PPP3CC: variants seen among roughly 807,000 people sequenced by gnomAD.
The protein encoded by PPP3CC is protein phosphatase 3 catalytic subunit gamma, also known as serine/threonine-protein phosphatase 2B catalytic subunit gamma isoform.
In PPP3CC, 35 loss-of-function variants were observed where a neutral mutation model predicts 60.3. The ratio of observed to expected loss-of-function variants is 0.58; its 90% confidence interval spans 0.44 to 0.77. The LOEUF is 0.77. Ranked by LOEUF, PPP3CC falls within the 30% of genes least tolerant of loss-of-function variation. The probability of loss-of-function intolerance (pLI) is 0.00; values close to 1 mark genes in which losing one functional copy is unlikely to be tolerated. For missense variants in PPP3CC, 570 were observed against 628.9 expected, an observed-to-expected ratio of 0.91 and a Z score of 1.00; for synonymous variants, 206 against 224.3, an observed-to-expected ratio of 0.92 and a Z score of 0.73.
chr8:22,511,329 A>T (rs1306958465), intron 5 of PPP3CC, 98 bp downstream of exon 5: 1 of 1,321,550 alleles, frequency 7.6e-7, no homozygotes, highest in Admixed American at 2.2e-5. Flanking sequence ...TCTCTCTTTC[A>T]CCCGGGCTGA....
At chr8:22,502,021 T>C (rs1838776362) in intron 4 of PPP3CC, among the ~76,000 whole-genome samples, 2 of 152,134 alleles carry the variant, frequency 1.3e-5, no homozygotes, top group South Asian at 4.1e-4. Flanking sequence ...AGTGAGACCC[T>C]GTCCCTAAAA....
Position 22,540,871 on chromosome 8 carries a change from A to G in PPP3CC, c.*69A>G, listed in dbSNP as rs866092562. On this transcript the variant is annotated 3_prime_UTR_variant, in exon 14 of 14. Coordinates refer to ENST00000240139, the MANE Select transcript of PPP3CC (RefSeq NM_005605.5). ...CAAATTCTATTTATTTATTATTGGA[A>G]AATGAAAAGCAACTCAAAACAACTT... The G allele has an allele frequency of 7.3e-7, 1 of 1,364,736 alleles. No homozygotes were observed. Among genetic ancestry groups the G allele is most frequent in the African/African-American group, 1.5e-5 (1 of 67,784 alleles). 84.5% of individuals were successfully genotyped at this position (1,364,736 alleles called of 1,614,324 possible).
intron 1 of PPP3CC, among the ~76,000 whole-genome samples, chr8:22,448,578 C>A (rs10108972): frequency 0.17 from 26,507 of 151,752 alleles, 4,307 homozygotes; most frequent in African/African-American, 0.43. Context: ...GAGGTTTCTC[C>A]GTATTGGTCA....
intron 1 of PPP3CC, among the ~76,000 whole-genome samples, chr8:22,450,637 A>T (rs4871998): frequency 0.54 from 81,275 of 151,902 alleles, 22,623 homozygotes; most frequent in African/African-American, 0.68. Flanking sequence ...ATCTGTGAAC[A>T]ATATCAAGGG....
intron 3 of PPP3CC, among the ~76,000 whole-genome samples, chr8:22,496,515 T>TTTTTTTTTTTTTTTA (rs1838591031): frequency 8.1e-6 from 1 of 123,094 alleles, no homozygotes; most frequent in Admixed American, 8.0e-5. Flanking sequence ...TTTTTTTTTT[T>TTTTTTTTTTTTTTTA]GAGACAGAGT....
In PPP3CC at chr8:22,521,958, C is replaced by T. The variant is rs1174491226; in HGVS notation, c.771-533C>T. ...CAGCCTGGGCGACAGAGCAAGACTCCGTCTCAAAAAAAAAAACAAACCTAT... is the reference window on the plus strand; with the variant it reads ...CAGCCTGGGCGACAGAGCAAGACTCTGTCTCAAAAAAAAAAACAAACCTAT... On this transcript the variant is annotated intron_variant, in intron 6 of 13. Coordinates refer to ENST00000240139, the MANE Select transcript of PPP3CC (RefSeq NM_005605.5). Among the ~76,000 whole-genome samples, 5 of 122,902 alleles carry T rather than the reference C, an allele frequency of 4.1e-5. 1 individual carries two copies. Among genetic ancestry groups the T allele is most frequent in the East Asian group, 5.0e-4 (2 of 3,966 alleles). The allele number at this position is 122,902 out of a possible 152,430, so 80.6% of individuals were successfully genotyped here. A position where few individuals can be genotyped will look rare whatever the true frequency, so the allele number is the denominator to read the frequency against.
intron 3 of PPP3CC, among the ~76,000 whole-genome samples, chr8:22,481,670 TCTC>T (rs1345374473): frequency 6.6e-6 from 1 of 151,984 alleles, no homozygotes; most frequent in Non-Finnish European, 1.5e-5. Flanking sequence ...ATTAGGTACT[TCTC>T]CTAATGCTAT....
chr8:22,463,275 A>G (rs919039093), intron 1 of PPP3CC, among the ~76,000 whole-genome samples: 1 of 152,190 alleles, frequency 6.6e-6, no homozygotes. Context: ...CTGGACCATA[A>G]CAGTTCTGGA....
Position 22,474,968 on chromosome 8 carries a change from C to T in PPP3CC, c.64C>T (p.Pro22Ser). The T allele has an allele frequency of 6.3e-7, 1 of 1,587,192 alleles. No homozygotes were observed. Among genetic ancestry groups the T allele is most frequent in the Non-Finnish European group, 8.6e-7 (1 of 1,164,578 alleles). ...TTTTTTTGTAGCTGTCCCCTTTCCT[C>T]CAACCCAACGGCTTACTTTCAAGGA... The part of the protein sequence containing the change: ...DRVIKAVPFP[P>S]TQRLTFKEVF... Residue 22 changes from proline (P) to serine (S), a missense_variant, in exon 2 of 14, where the codon CCA (proline) becomes TCA (serine). Physicochemically the swap from Pro to Ser is moderately conservative, Grantham distance 74. Transcript: ENST00000240139.
At chr8:22,452,019 G>GTTTTTT (rs397823337) in intron 1 of PPP3CC, among the ~76,000 whole-genome samples, 18 of 143,574 alleles carry the variant, frequency 1.3e-4, no homozygotes, top group Admixed American at 8.4e-4. Context: ...GTGCATAATG[G>GTTTTTT]TTTTTTTTTT....
intron 6 of PPP3CC, among the ~76,000 whole-genome samples, chr8:22,517,589 C>A (rs997493722): frequency 1.3e-5 from 2 of 152,060 alleles, no homozygotes; most frequent in African/African-American, 2.4e-5. Flanking sequence ...TCAGTTTTGG[C>A]AGGTTGTATA....
chr8:22,450,798 T>TA (rs1563671040), intron 1 of PPP3CC, among the ~76,000 whole-genome samples: 18 of 141,350 alleles, frequency 1.3e-4, no homozygotes, highest in Non-Finnish European at 2.5e-4. Flanking sequence ...ACCTACTTTA[T>TA]TTTTATTTAT....
At position 22,480,286 on chromosome 8, in the gene PPP3CC, A is replaced by G. The variant is rs548555152; in HGVS notation, c.372+4662A>G. ...GTTATACAATTTTTATGAGTTATAC[A>G]ATTTTTGAAACATTTATGTTAACAA... On this transcript the variant is annotated intron_variant, in intron 3 of 13. Coordinates refer to ENST00000240139, the MANE Select transcript of PPP3CC (RefSeq NM_005605.5). Among the ~76,000 whole-genome samples, 11 of 152,304 alleles carry G rather than the reference A, an allele frequency of 7.2e-5. No individual in the cohort carries two copies. The South Asian group carries it at 2.3e-3, about 32-fold the overall frequency.
Position 22,522,534 on chromosome 8 carries a change from T to C in PPP3CC, c.814T>C (p.Ser272Pro), listed in dbSNP as rs1362560168. The change falls in exon 7 of 14, where the codon TCA becomes CCA. Residue 272 changes from serine to proline, a missense_variant. Ser to Pro is a moderately conservative substitution (Grantham distance 74, BLOSUM62 -1). Coordinates refer to ENST00000240139, the MANE Select transcript of PPP3CC (RefSeq NM_005605.5). The part of the protein sequence containing the change: ...CEFLQNNNLL[S>P]IIRAHEAQDA... ...ATTTTTGCAGAACAATAATTTACTA[T>C]CAATTATCAGAGCCCATGAAGCCCA... The C allele has an allele frequency of 6.2e-7, 1 of 1,612,632 alleles. No homozygotes were observed.
chr8:22,443,660 C>T (rs563729181), intron 1 of PPP3CC, among the ~76,000 whole-genome samples: 1 of 152,108 alleles, frequency 6.6e-6, no homozygotes, highest in Non-Finnish European at 1.5e-5. Flanking sequence ...ACTTTTAAGA[C>T]TGCTCTTAAA....
intron 1 of PPP3CC, among the ~76,000 whole-genome samples, chr8:22,463,358 T>C (rs1210970662): frequency 6.6e-6 from 1 of 152,206 alleles, no homozygotes; most frequent in Non-Finnish European, 1.5e-5. Flanking sequence ...TTCTCTGTAG[T>C]GTCAGTAATG....
intron 8 of PPP3CC, among the ~76,000 whole-genome samples, chr8:22,526,657 A>G (rs1222407340): frequency 6.6e-6 from 1 of 152,222 alleles, no homozygotes; most frequent in African/African-American, 2.4e-5. Context: ...AATTAAGAGA[A>G]TAGTGCAAAC....
intron 13 of PPP3CC, 24 bp downstream of exon 13, chr8:22,539,522 A>G: frequency 6.2e-7 from 1 of 1,608,016 alleles, no homozygotes; most frequent in Non-Finnish European, 8.5e-7. Context: ...ACTCTGATAG[A>G]TGTGATCCAT....
chr8:22,498,239 C>G, intron 4 of PPP3CC, 127 bp downstream of exon 4: 1 of 517,886 alleles, frequency 1.9e-6, no homozygotes, highest in East Asian at 3.1e-5. Context: ...TTTTTTTCAC[C>G]TGCAAAGAAC....
Sources: allele counts gnomAD v4.1 joint callset (sites outside exome capture counted in the v4.1 genomes callset), GRCh38; gene constraint gnomAD v4.1.1; transcripts MANE v1.5; gene names NCBI Gene and HGNC (gene_info 2026-07-23, HGNC 2026-07-21).